CENPP: variants seen among roughly 807,000 people sequenced by gnomAD.
CENPP encodes centromere protein P.
A neutral mutation model predicts 35.6 loss-of-function variants in CENPP; 24 were observed. The observed-to-expected ratio is 0.67, with a 90% CI of 0.49 to 0.95. The LOEUF is 0.95. CENPP is among the 40% of genes least tolerant of loss of function. CENPP has a pLI of 0.00. For synonymous variants in CENPP, 120 were observed against 125.5 expected (o/e 0.96, Z 0.29); for missense variants, 332 against 345.3 (o/e 0.96, Z 0.31).
intron 5 of CENPP, among the ~76,000 whole-genome samples, chr9:92,434,647 G>A (rs79740558): frequency 0.013 from 1,977 of 152,226 alleles, 20 homozygotes; most frequent in Non-Finnish European, 0.019. Flanking sequence ...CAAATATTGG[G>A]AGAAAATCTC....
At chr9:92,466,570 C>A (rs1484379348) in intron 5 of CENPP, 1 of 1,612,750 alleles carries the variant, frequency 6.2e-7, no homozygotes, top group Non-Finnish European at 8.5e-7. Context: ...CAGGATCAGA[C>A]CCTTGATCAA....
At chr9:92,447,201 T>A (rs1254062446) in intron 5 of CENPP, among the ~76,000 whole-genome samples, 1 of 150,378 alleles carries the variant, frequency 6.6e-6, no homozygotes, top group African/African-American at 2.5e-5. Flanking sequence ...TCAGTCGCAT[T>A]ACATTTATTG....
intron 5 of CENPP, among the ~76,000 whole-genome samples, chr9:92,492,548 G>A (rs1295781199): frequency 2.6e-5 from 4 of 152,176 alleles, no homozygotes; most frequent in Admixed American, 6.5e-5. Context: ...GGAGATGTAC[G>A]TGGAGCCATT....
chr9:92,344,929 G>A (rs1165169967), intron 3 of CENPP, among the ~76,000 whole-genome samples: 1 of 150,782 alleles, frequency 6.6e-6, no homozygotes, highest in Non-Finnish European at 1.5e-5. Flanking sequence ...AGCACTTCAG[G>A]AGGCAGAGAC....
At chr9:92,449,838 C>G (rs929835818) in intron 5 of CENPP, among the ~76,000 whole-genome samples, 7 of 152,182 alleles carry the variant, frequency 4.6e-5, no homozygotes, top group Non-Finnish European at 1.0e-4. Context: ...CAGAAGCAGA[C>G]TCTGCCATGC....
intron 5 of CENPP, among the ~76,000 whole-genome samples, chr9:92,421,109 C>CA (rs1843778130): frequency 6.6e-6 from 1 of 152,084 alleles, no homozygotes; most frequent in Non-Finnish European, 1.5e-5. Flanking sequence ...CAGTGGTGCA[C>CA]TCTTGGCTCA....
At chr9:92,485,243 T>A (rs1846027773) in intron 5 of CENPP, among the ~76,000 whole-genome samples, 1 of 152,216 alleles carries the variant, frequency 6.6e-6, no homozygotes, top group Non-Finnish European at 1.5e-5. Context: ...CATTTTTGTT[T>A]CCTAAAGGGG....
chr9:92,427,569 C>T (rs1843999579), intron 5 of CENPP, among the ~76,000 whole-genome samples: 1 of 152,186 alleles, frequency 6.6e-6, no homozygotes, highest in Non-Finnish European at 1.5e-5. Flanking sequence ...TACCCTCTGC[C>T]TCCCGGGTTT....
chr9:92,437,120 C>T (rs1046590534), intron 5 of CENPP, among the ~76,000 whole-genome samples: 5 of 152,074 alleles, frequency 3.3e-5, no homozygotes, highest in African/African-American at 1.2e-4. Flanking sequence ...GAGAATCGCT[C>T]AAACCCAGGG....
intron 5 of CENPP, among the ~76,000 whole-genome samples, chr9:92,562,257 T>A (rs532282377): frequency 6.7e-6 from 1 of 148,814 alleles, no homozygotes; most frequent in South Asian, 2.1e-4. Flanking sequence ...CAGGCTGGAG[T>A]GCAATGGCGT....
At chr9:92,422,984 A>G (rs1020699681) in intron 5 of CENPP, among the ~76,000 whole-genome samples, 1 of 151,476 alleles carries the variant, frequency 6.6e-6, no homozygotes, top group Non-Finnish European at 1.5e-5. Context: ...ATCTAATACA[A>G]TGCAGTGTTA....
chr9:92,357,806 C>A (rs1841632759), intron 4 of CENPP, among the ~76,000 whole-genome samples: 1 of 151,952 alleles, frequency 6.6e-6, no homozygotes, highest in South Asian at 2.1e-4. Flanking sequence ...CTATCTCCCT[C>A]ACTTTTTAAG....
chr9:92,444,040 C>T (rs984126094), intron 5 of CENPP, among the ~76,000 whole-genome samples: 25 of 152,278 alleles, frequency 1.6e-4, no homozygotes, highest in African/African-American at 6.0e-4. Flanking sequence ...ATAAACTCGA[C>T]ATATATGATT....
chr9:92,367,403 G>A (rs1841913446), intron 4 of CENPP, among the ~76,000 whole-genome samples: 1 of 152,040 alleles, frequency 6.6e-6, no homozygotes. Flanking sequence ...TTGGTCTTAG[G>A]TGATCTGTCC....
chr9:92,374,558 T>C (rs573455392), intron 4 of CENPP, among the ~76,000 whole-genome samples: 1 of 152,344 alleles, frequency 6.6e-6, no homozygotes, highest in Admixed American at 6.5e-5. Context: ...CTAAACTAGA[T>C]TGGCATTAAT....
intron 5 of CENPP, chr9:92,505,705 AG>A: frequency 6.5e-7 from 1 of 1,549,492 alleles, no homozygotes; most frequent in Non-Finnish European, 8.7e-7. Context: ...AAAAAATAAA[AG>A]TATTAGAATA....
chr9:92,497,590 C>T (rs958090141), intron 5 of CENPP, among the ~76,000 whole-genome samples: 6 of 149,838 alleles, frequency 4.0e-5, no homozygotes, highest in Non-Finnish European at 5.9e-5. Flanking sequence ...CGCCGTTGCA[C>T]TTCTGCCTGG....
At position 92,337,608 on chromosome 9, in the gene CENPP, A is replaced by G. The variant is rs1387577496; in HGVS notation, c.357A>G (p.Glu119=). 2.7e-5 allele frequency: 43 copies of G among 1,603,700 alleles called. No individual in the cohort carries two copies. In the East Asian group the frequency reaches 9.6e-4, roughly 36 times the overall value. ...GNCHMVTFQL[E]FQILEIQNKE... ...GCCACATGGTTACATTTCAACTTGA[A>G]TTTCAGATTCTGGAAATTCAGGTAA... The change falls in exon 3 of 8, where the codon GAA becomes GAG. Residue 119 remains glutamate (E), a synonymous_variant. Coordinates refer to ENST00000375587, the MANE Select transcript of CENPP (RefSeq NM_001012267.3).
chr9:92,514,926 C>T, intron 5 of CENPP: 2 of 1,613,940 alleles, frequency 1.2e-6, no homozygotes, highest in Non-Finnish European at 1.7e-6. Flanking sequence ...CCTCTCCAGG[C>T]CTCTGCTTTC....
Sources: gnomAD v4.1 joint callset for allele counts (sites outside exome capture counted in the v4.1 genomes callset) on GRCh38, gnomAD v4.1.1 for gene constraint, MANE v1.5 for transcripts, NCBI Gene and HGNC (gene_info 2026-07-23, HGNC 2026-07-21) for gene names.